The following ANP32A variants were observed in gnomAD, a reference collection of about 807,000 sequenced individuals.
The protein encoded by ANP32A is acidic nuclear phosphoprotein 32 family member A, also known as acidic leucine-rich nuclear phosphoprotein 32 family member A.
In ANP32A, 1 loss-of-function variant was observed where a neutral mutation model predicts 33.9. That is an observed-to-expected ratio of 0.03 (90% CI 0.01 to 0.14). ANP32A has a LOEUF of 0.14. ANP32A is among the 10% of genes least tolerant of loss of function. The pLI, the probability that ANP32A is intolerant of heterozygous loss-of-function variation, is 1.00. For synonymous variants in ANP32A, 115 were observed against 120.5 expected, an observed-to-expected ratio of 0.95 and a Z score of 0.30; for missense variants, 155 against 306.0, an observed-to-expected ratio of 0.51 and a Z score of 3.68.
intron 1 of ANP32A, 117 bp from the exon 2 acceptor site, chr15:68,788,036 C>T (rs979001164): frequency 2.2e-5 from 28 of 1,260,130 alleles, no homozygotes; most frequent in African/African-American, 1.6e-4. Context: ...TCAGTCACTC[C>T]GTCACTTCTT....
Position 68,820,686 on chromosome 15 carries a change from G to A in ANP32A, c.54+12C>T. On this transcript the variant is annotated intron_variant, in intron 1 of 6. Coordinates refer to ENST00000465139, the MANE Select transcript of ANP32A (RefSeq NM_006305.4). The stretch of plus-strand genomic sequence containing the variant: ...GAATGGACCGACAGAGATATTTTTG[G>A]CAAATGCTCACATCAGAGGGCGTCC... 1.3e-6 allele frequency: 2 copies of A among 1,594,598 alleles called. No individual in the cohort carries two copies. Among genetic ancestry groups the A allele is most frequent in the Non-Finnish European group, 1.7e-6 (2 of 1,171,852 alleles).
chr15:68,809,827 C>A (rs1433528899), intron 1 of ANP32A, among the ~76,000 whole-genome samples: 1 of 152,228 alleles, frequency 6.6e-6, no homozygotes, highest in Non-Finnish European at 1.5e-5. Flanking sequence ...GAATGCTTAC[C>A]ATGTGCCAGG....
chr15:68,806,325 C>T (rs982201232), intron 1 of ANP32A, among the ~76,000 whole-genome samples: 2 of 152,190 alleles, frequency 1.3e-5, no homozygotes, highest in Non-Finnish European at 2.9e-5. Flanking sequence ...TTCTCACTCC[C>T]ATATCCAACC....
intron 1 of ANP32A, among the ~76,000 whole-genome samples, chr15:68,803,209 T>A (rs2958402): frequency 0.42 from 63,990 of 151,986 alleles, 13,797 homozygotes; most frequent in Middle Eastern, 0.55. Context: ...ATGGGTGGCC[T>A]TACCTACACC....
In ANP32A at chr15:68,779,279, T is replaced by G. The variant is rs1242727925; in HGVS notation, c.*802A>C. 6.6e-6 allele frequency: 1 copy of G among 152,192 alleles called. No homozygotes were observed. The highest frequency in any genetic ancestry group is 1.5e-5 in the Non-Finnish European group (1 of 68,022). The allele number at this position is 152,192 out of a possible 1,614,324, so 9.4% of individuals were successfully genotyped here. A position where few individuals can be genotyped will look rare whatever the true frequency, so the allele number is the denominator to read the frequency against. The stretch of plus-strand genomic sequence containing the variant: ...GTGGAAGAATTCTCTCATCATTTTT[T>G]GTAAAACAAAGCGTTCTAATATTTT... On this transcript the variant is annotated 3_prime_UTR_variant, in exon 7 of 7. Coordinates refer to ENST00000465139, the MANE Select transcript of ANP32A (RefSeq NM_006305.4).
chr15:68,810,887 C>T (rs556298286), intron 1 of ANP32A, among the ~76,000 whole-genome samples: 5 of 151,914 alleles, frequency 3.3e-5, no homozygotes, highest in African/African-American at 1.2e-4. Flanking sequence ...TGGTGAAACC[C>T]CTTCTCTACT....
intron 1 of ANP32A, among the ~76,000 whole-genome samples, chr15:68,816,017 G>A (rs991534): frequency 0.94 from 142,555 of 152,244 alleles, 67,154 homozygotes; most frequent in Non-Finnish European, 0.98. Flanking sequence ...CCAGCACCTT[G>A]AAGGCCAGAT....
intron 1 of ANP32A, among the ~76,000 whole-genome samples, chr15:68,800,730 C>T (rs1175940659): frequency 6.9e-5 from 7 of 101,924 alleles, no homozygotes; most frequent in East Asian, 2.4e-4. Flanking sequence ...GGCGACACAG[C>T]GAGACTCCGT....
chr15:68,804,383 A>G (rs1402069435), intron 1 of ANP32A, among the ~76,000 whole-genome samples: 2 of 152,234 alleles, frequency 1.3e-5, no homozygotes, highest in Non-Finnish European at 2.9e-5. Context: ...TCATTGGCAG[A>G]GTGAGCATAA....
intron 3 of ANP32A, among the ~76,000 whole-genome samples, chr15:68,786,924 A>G (rs1307223013): frequency 6.6e-6 from 1 of 152,056 alleles, no homozygotes; most frequent in Non-Finnish European, 1.5e-5. Flanking sequence ...AGGCTCTCAC[A>G]CCACACGGCT....
At chr15:68,787,329 G>T (rs1388027928) in intron 3 of ANP32A, 84 bp downstream of exon 3, 1 of 1,580,846 alleles carries the variant, frequency 6.3e-7, no homozygotes, top group African/African-American at 1.4e-5. Context: ...AGTGGGAAAA[G>T]GACAAATGCA....
chr15:68,814,306 T>G (rs1435653058), intron 1 of ANP32A, among the ~76,000 whole-genome samples: 3 of 151,972 alleles, frequency 2.0e-5, no homozygotes, highest in Non-Finnish European at 4.4e-5. Context: ...ACACCTGTAA[T>G]CCCAGCGCTT....
intron 1 of ANP32A, among the ~76,000 whole-genome samples, chr15:68,819,834 A>C (rs1343119389): frequency 3.3e-5 from 5 of 152,118 alleles, no homozygotes; most frequent in African/African-American, 1.2e-4. Flanking sequence ...AGCACGTTCG[A>C]AAATCCCTCC....
intron 1 of ANP32A, among the ~76,000 whole-genome samples, chr15:68,809,388 A>T (rs903109077): frequency 6.6e-6 from 1 of 152,198 alleles, no homozygotes; most frequent in Non-Finnish European, 1.5e-5. Context: ...AATTAATTAG[A>T]ACAGTAGTCT....
Position 68,820,728 on chromosome 15 carries a change from A to G in ANP32A, c.24T>C (p.His8=), listed in dbSNP as rs1440702094. MEMGRRI[H]LELRNRTPSD... is the part of the protein sequence containing the mutation. ...AGGGCGTCCTGTTCCGCAGCTCTAA[A>G]TGAATCCGTCTGCCCATCTCCATCT... Residue 8 remains histidine, a synonymous_variant, in exon 1 of 7, where the codon CAT becomes CAC. Coordinates refer to ENST00000465139, the MANE Select transcript of ANP32A (RefSeq NM_006305.4). The G allele has an allele frequency of 6.2e-6, 10 of 1,613,436 alleles. No homozygotes were observed. The highest frequency in any genetic ancestry group is 7.6e-6 in the Non-Finnish European group (9 of 1,179,728).
chr15:68,785,086 C>T (rs147345479), intron 3 of ANP32A, among the ~76,000 whole-genome samples: 3 of 152,170 alleles, frequency 2.0e-5, no homozygotes, highest in Non-Finnish European at 4.4e-5. Flanking sequence ...TATCTCACAA[C>T]CCCTGTAAGG....
chr15:68,791,249 T>C (rs1057479896), intron 1 of ANP32A: 1 of 152,220 alleles, frequency 6.6e-6, no homozygotes, highest in Non-Finnish European at 1.5e-5. Flanking sequence ...AACCTAAGTA[T>C]AAAAATAGGC....
In ANP32A at chr15:68,779,775, G is replaced by C. The variant is rs940190160; in HGVS notation, c.*306C>G. On this transcript the variant is annotated 3_prime_UTR_variant, in exon 7 of 7. Transcript: ENST00000465139. ...GAGAACTCCAAACCATCCTCTTTGA[G>C]AGTCAGGAACAAATGCTCACTTAGT... 2 of 299,178 alleles carry C rather than the reference G, an allele frequency of 6.7e-6. No homozygotes were observed. Among genetic ancestry groups the C allele is most frequent in the East Asian group, 6.2e-5 (1 of 16,138 alleles). 18.5% of individuals were successfully genotyped at this position (299,178 alleles called of 1,614,324 possible).
intron 1 of ANP32A, among the ~76,000 whole-genome samples, chr15:68,810,456 G>A (rs1894296838): frequency 6.6e-6 from 1 of 152,134 alleles, no homozygotes; most frequent in African/African-American, 2.4e-5. Flanking sequence ...CAGAGGACAT[G>A]GGTTCCCTTT....
Sources: gnomAD v4.1 joint callset for allele counts (sites outside exome capture counted in the v4.1 genomes callset) on GRCh38, gnomAD v4.1.1 for gene constraint, MANE v1.5 for transcripts, NCBI Gene and HGNC (gene_info 2026-07-23, HGNC 2026-07-21) for gene names.